OPCML: variants seen among roughly 807,000 people sequenced by gnomAD.
OPCML encodes opioid-binding protein/cell adhesion molecule.
In OPCML, 13 loss-of-function variants were observed where a neutral mutation model predicts 37.8. That is an observed-to-expected ratio of 0.34 (90% CI 0.22 to 0.55). The LOEUF is 0.55. Among genes scored for constraint, OPCML ranks in the 20% least tolerant of loss-of-function variants. OPCML has a pLI of 0.91. For missense variants in OPCML, 341 were observed against 435.6 expected (o/e 0.78, Z 1.93); for synonymous variants, 176 against 168.8 (o/e 1.04, Z -0.33).
chr11:133,276,271 C>T (rs940347779), intron 1 of OPCML, among the ~76,000 whole-genome samples: 72 of 152,076 alleles, frequency 4.7e-4, no homozygotes, highest in Admixed American at 1.9e-3. Flanking sequence ...AGTAAGGAAT[C>T]GTGGAAGAGA....
At chr11:132,427,660 G>A (rs1019962573) in intron 7 of OPCML, among the ~76,000 whole-genome samples, 3 of 152,102 alleles carry the variant, frequency 2.0e-5, no homozygotes, top group Non-Finnish European at 2.9e-5. Flanking sequence ...ATTCAAATCC[G>A]TCAGCTCATC....
At chr11:132,650,592 A>G (rs987940537) in intron 3 of OPCML, among the ~76,000 whole-genome samples, 1 of 152,056 alleles carries the variant, frequency 6.6e-6, no homozygotes, top group Non-Finnish European at 1.5e-5. Flanking sequence ...ACACACACAC[A>G]TACACACACA....
At chr11:132,862,117 C>G (rs1263705810) in intron 2 of OPCML, among the ~76,000 whole-genome samples, 1 of 152,108 alleles carries the variant, frequency 6.6e-6, no homozygotes, top group Non-Finnish European at 1.5e-5. Flanking sequence ...TAGAATGACA[C>G]AGTTTTTAAA....
intron 1 of OPCML, among the ~76,000 whole-genome samples, chr11:133,227,724 G>A (rs765408239): frequency 3.3e-5 from 5 of 152,128 alleles, no homozygotes; most frequent in Non-Finnish European, 5.9e-5. Flanking sequence ...AGGGTGAAGG[G>A]CATCTGCAGA....
rs1262646855 is a variant in OPCML, at chr11:132,745,633, T to C, written c.147-88314A>G. ...AAAAAAGGACAATGGTCTTAAGCTT[T>C]CTCTCTTTCTTGAGGGTTTTTCTCC... On this transcript the variant is annotated intron_variant, in intron 2 of 7. Coordinates refer to ENST00000524381, the MANE Select transcript of OPCML (RefSeq NM_001012393.5). Among the ~76,000 whole-genome samples the C allele has an allele frequency of 2.6e-5, 4 of 151,890 alleles. No individual in the cohort carries two copies. In the East Asian group the frequency reaches 7.7e-4, roughly 29 times the overall value.
At chr11:133,251,430 C>T (rs762946390) in intron 1 of OPCML, among the ~76,000 whole-genome samples, 6 of 151,724 alleles carry the variant, frequency 4.0e-5, no homozygotes, top group Non-Finnish European at 8.8e-5. Context: ...TAAAAACAAT[C>T]GCAGGTTCTC....
intron 1 of OPCML, among the ~76,000 whole-genome samples, chr11:133,107,329 G>A (rs547283521): frequency 1.3e-5 from 2 of 152,196 alleles, no homozygotes; most frequent in Non-Finnish European, 2.9e-5. Flanking sequence ...CTCTGATAAC[G>A]GGGAGGGAGA....
chr11:132,754,787 G>A (rs1328388000), intron 2 of OPCML, among the ~76,000 whole-genome samples: 2 of 152,132 alleles, frequency 1.3e-5, no homozygotes, highest in Non-Finnish European at 2.9e-5. Context: ...GCTAGAAAGG[G>A]TGATGTGCTG....
chr11:133,494,784 A>G (rs1404390975), intron 1 of OPCML, among the ~76,000 whole-genome samples: 1 of 147,300 alleles, frequency 6.8e-6, no homozygotes, highest in African/African-American at 2.6e-5. Flanking sequence ...TGACGAGTTA[A>G]TGGGTGCAGC....
intron 2 of OPCML, among the ~76,000 whole-genome samples, chr11:132,713,860 C>T (rs1324348378): frequency 6.6e-6 from 1 of 152,226 alleles, no homozygotes; most frequent in African/African-American, 2.4e-5. Flanking sequence ...GGTATTTCCA[C>T]ACCAGGAAAG....
intron 1 of OPCML, among the ~76,000 whole-genome samples, chr11:132,998,666 C>G (rs1168763765): frequency 6.6e-6 from 1 of 152,110 alleles, no homozygotes; most frequent in Non-Finnish European, 1.5e-5. Context: ...ATCTTGACCC[C>G]CAAGGTGAAG....
intron 4 of OPCML, among the ~76,000 whole-genome samples, chr11:132,497,502 G>C (rs781426337): frequency 1.3e-5 from 2 of 152,106 alleles, no homozygotes; most frequent in South Asian, 2.1e-4. Flanking sequence ...AAAGGTTGCT[G>C]TTTTATGGGC....
intron 1 of OPCML, among the ~76,000 whole-genome samples, chr11:133,057,461 C>T (rs12420036): frequency 5.3e-5 from 8 of 152,262 alleles, no homozygotes; most frequent in South Asian, 2.1e-4. Flanking sequence ...ACTCTGCTGT[C>T]TGCAGATACC....
At chr11:132,593,523 C>T (rs1423790312) in intron 3 of OPCML, among the ~76,000 whole-genome samples, 1 of 152,116 alleles carries the variant, frequency 6.6e-6, no homozygotes, top group Admixed American at 6.5e-5. Context: ...AAGAGATCTG[C>T]TTTCAATGTT....
At chr11:133,331,250 A>G (rs1331185926) in intron 1 of OPCML, among the ~76,000 whole-genome samples, 1 of 152,218 alleles carries the variant, frequency 6.6e-6, no homozygotes, top group African/African-American at 2.4e-5. Context: ...TAAGCTGGTA[A>G]GTTGCAAAAG....
At chr11:132,782,755 T>C (rs942042926) in intron 2 of OPCML, among the ~76,000 whole-genome samples, 2 of 151,902 alleles carry the variant, frequency 1.3e-5, no homozygotes, top group Admixed American at 1.3e-4. Context: ...ATAGAAATCA[T>C]GCCGTTGTTT....
intron 1 of OPCML, chr11:133,007,353 C>T: frequency 1.0e-6 from 1 of 985,450 alleles, no homozygotes; most frequent in African/African-American, 1.7e-5. Context: ...CCTCCCTTAT[C>T]TGTGTGATTA....
chr11:133,017,799 A>G (rs906231277), intron 1 of OPCML, among the ~76,000 whole-genome samples: 3 of 152,246 alleles, frequency 2.0e-5, no homozygotes, highest in Non-Finnish European at 4.4e-5. Context: ...CTTGCTAGCA[A>G]TTGGAGGAAT....
At chr11:133,480,925 G>T (rs1365197586) in intron 1 of OPCML, among the ~76,000 whole-genome samples, 1 of 152,198 alleles carries the variant, frequency 6.6e-6, no homozygotes, top group African/African-American at 2.4e-5. Context: ...TCACTTCTGT[G>T]TCATGCTGGA....
Sources: gnomAD v4.1 joint callset for allele counts (sites outside exome capture counted in the v4.1 genomes callset) on GRCh38, gnomAD v4.1.1 for gene constraint, MANE v1.5 for transcripts, NCBI Gene and HGNC (gene_info 2026-07-23, HGNC 2026-07-21) for gene names.